Variants in NHSL1 observed in about 807,000 individuals in gnomAD.
NHSL1 encodes the protein NHS like 1.
In NHSL1, 48 loss-of-function variants were observed where a neutral mutation model predicts 95.0. The ratio of observed to expected loss-of-function variants is 0.51; its 90% CI spans 0.40 to 0.64. The LOEUF is 0.64. Ranked by LOEUF, NHSL1 falls within the 30% of genes least tolerant of loss-of-function variation. The probability of loss-of-function intolerance (pLI) is 0.00; values close to 1 mark genes in which losing one functional copy is unlikely to be tolerated. For synonymous variants in NHSL1, 783 were observed against 833.9 expected (o/e 0.94, Z 1.05); for missense variants, 1,971 against 2,077.7 (o/e 0.95, Z 1.00).
chr6:138,614,607 A>C (rs1784554629), intron 1 of NHSL1, among the ~76,000 whole-genome samples: 1 of 152,176 alleles, frequency 6.6e-6, no homozygotes. Flanking sequence ...CAACCGAGGA[A>C]ACTGAGACAC....
At chr6:138,680,538 G>A (rs1435302322) in intron 1 of NHSL1, among the ~76,000 whole-genome samples, 1 of 152,148 alleles carries the variant, frequency 6.6e-6, no homozygotes, top group Non-Finnish European at 1.5e-5. Context: ...TAGATTAAAA[G>A]GCAGAAAATG....
At chr6:138,533,105 C>T (rs1469431750) in intron 1 of NHSL1, among the ~76,000 whole-genome samples, 1 of 152,038 alleles carries the variant, frequency 6.6e-6, no homozygotes, top group Non-Finnish European at 1.5e-5. Context: ...CAAAAACACA[C>T]AGTGACTTGA....
chr6:138,543,349 T>C (rs149797179), intron 1 of NHSL1, among the ~76,000 whole-genome samples: 1 of 152,146 alleles, frequency 6.6e-6, no homozygotes, highest in African/African-American at 2.4e-5. Context: ...CAAAGAGTGA[T>C]TGTAACTATA....
At chr6:138,594,413 AAGC>A (rs1284434008) in intron 1 of NHSL1, among the ~76,000 whole-genome samples, 2 of 152,114 alleles carry the variant, frequency 1.3e-5, no homozygotes, top group Non-Finnish European at 2.9e-5. Context: ...CCCCGGCTCT[AAGC>A]AAAAACAGCC....
At chr6:138,516,588 TTTGTTGTTG>T (rs769534036) in intron 1 of NHSL1, among the ~76,000 whole-genome samples, 3 of 151,732 alleles carry the variant, frequency 2.0e-5, no homozygotes, top group African/African-American at 4.8e-5. Context: ...TCAAAGTTGT[TTTGTTGTTG>T]TTGTTGTTGT....
intron 1 of NHSL1, among the ~76,000 whole-genome samples, chr6:138,632,139 G>A (rs977706039): frequency 6.6e-6 from 1 of 152,224 alleles, no homozygotes; most frequent in Non-Finnish European, 1.5e-5. Context: ...CCTCTGCCTT[G>A]GGAAAGGGGA....
intron 1 of NHSL1, among the ~76,000 whole-genome samples, chr6:138,569,260 T>C: frequency 6.6e-6 from 1 of 151,268 alleles, no homozygotes; most frequent in Non-Finnish European, 1.5e-5. Context: ...TGTGTGTGTG[T>C]GTGTGTGTGT....
chr6:138,579,189 G>A (rs1057055553), intron 1 of NHSL1, among the ~76,000 whole-genome samples: 4 of 152,194 alleles, frequency 2.6e-5, no homozygotes, highest in Non-Finnish European at 4.4e-5. Context: ...CTGCTGAGCC[G>A]CCTGGTTCCT....
intron 1 of NHSL1, among the ~76,000 whole-genome samples, chr6:138,600,451 G>A (rs1784357020): frequency 6.6e-6 from 1 of 152,172 alleles, no homozygotes; most frequent in Non-Finnish European, 1.5e-5. Context: ...TATCAGCACT[G>A]TAAAGGGTCA....
intron 1 of NHSL1, among the ~76,000 whole-genome samples, chr6:138,620,865 G>A (rs757247498): frequency 7.2e-5 from 11 of 152,234 alleles, no homozygotes; most frequent in Admixed American, 3.9e-4. Context: ...GCCAGTCTTC[G>A]GTCTTCAAAC....
chr6:138,498,870 T>G (rs561387758), intron 1 of NHSL1, among the ~76,000 whole-genome samples: 6 of 152,290 alleles, frequency 3.9e-5, no homozygotes, highest in African/African-American at 1.4e-4. Context: ...ACACTTGATA[T>G]CAAGGGAAAC....
intron 1 of NHSL1, among the ~76,000 whole-genome samples, chr6:138,641,622 CAAAAAAAAAAAAA>C (rs771307557): frequency 1.3e-5 from 1 of 76,462 alleles, no homozygotes; most frequent in African/African-American, 4.7e-5. Context: ...GACTCCGTCT[CAAAAAAAAAAAAA>C]AAAAAAAAAA....
At chr6:138,425,203 T>C (rs1487589040) in intron 7 of NHSL1, among the ~76,000 whole-genome samples, 3 of 152,242 alleles carry the variant, frequency 2.0e-5, no homozygotes, top group African/African-American at 7.2e-5. Context: ...CGATTCTCCC[T>C]GCCTCAGCCT....
In NHSL1 at chr6:138,431,238, G is replaced by A. The variant is rs377012189; in HGVS notation, c.3107C>T (p.Pro1036Leu). ...TGGCTGGCCAGAATTTGTGAAAGGC[G>A]GCCTGGTGTCTTTCATGAATTTGGG... Reference protein sequence around the residue: ...LDPKFMKDTRPPFTNSGQPES... With the variant: ...LDPKFMKDTRLPFTNSGQPES... The change falls in exon 6 of 8, where the codon CCG (proline) becomes CTG (leucine). Residue 1036 changes from proline to leucine, a missense_variant. Coordinates refer to ENST00000343505, the MANE Select transcript of NHSL1 (RefSeq NM_001144060.2). The surrounding 1 kb of genome is among the most constrained non-coding windows in gnomAD (Gnocchi z 4.0). The A allele has an allele frequency of 3.9e-4, 590 of 1,518,932 alleles. 5 individuals carry two copies. The African/African-American group carries it at 7.5e-3, about 19-fold the overall frequency. 94.1% of individuals were successfully genotyped at this position (1,518,932 alleles called of 1,614,324 possible).
rs1583147105 is a variant in NHSL1, at chr6:138,432,307, A to T, written c.2038T>A (p.Ser680Thr). ...CTCTTCTTGGGAATCCTGCGGAGGG[A>T]GTCTGTCCGGGAGGGTGGCAGGGGA... ...KPPLPPSRTD[S>T]LRRIPKKSSQ... The change falls in exon 6 of 8, where the codon TCC (serine) becomes ACC (threonine). Residue 680 changes from serine (S) to threonine (T), a missense_variant. Coordinates refer to ENST00000343505, the MANE Select transcript of NHSL1 (RefSeq NM_001144060.2). This position sits in a 1 kb window ranked among gnomAD's most constrained non-coding sequence, Gnocchi z 4.4. The T allele has an allele frequency of 1.3e-6, 2 of 1,551,506 alleles. No individual in the cohort carries two copies. Among genetic ancestry groups the T allele is most frequent in the East Asian group, 4.9e-5 (2 of 40,914 alleles).
chr6:138,646,563 C>T (rs1785023618), intron 1 of NHSL1, among the ~76,000 whole-genome samples: 1 of 152,084 alleles, frequency 6.6e-6, no homozygotes, highest in African/African-American at 2.4e-5. Flanking sequence ...AGTGACTATC[C>T]ATGGAGGAAA....
chr6:138,465,623 C>T (rs1335368512), intron 3 of NHSL1, among the ~76,000 whole-genome samples: 1 of 152,112 alleles, frequency 6.6e-6, no homozygotes, highest in Non-Finnish European at 1.5e-5. Flanking sequence ...TTAGTTCTCC[C>T]TACCCTGGAG....
intron 1 of NHSL1, among the ~76,000 whole-genome samples, chr6:138,653,834 G>GA (rs1562403423): frequency 1.3e-5 from 2 of 152,090 alleles, no homozygotes; most frequent in African/African-American, 4.8e-5. Context: ...AATGTTTCAC[G>GA]AAACATGTCT....
chr6:138,670,383 A>G (rs1785348991), intron 1 of NHSL1, among the ~76,000 whole-genome samples: 1 of 151,352 alleles, frequency 6.6e-6, no homozygotes, highest in African/African-American at 2.4e-5. Context: ...AAAAAAAAAA[A>G]AGGCCGGGCG....
Sources: gnomAD v4.1 joint callset for allele counts (sites outside exome capture counted in the v4.1 genomes callset) on GRCh38, gnomAD v4.1.1 for gene constraint, Gnocchi (gnomAD v3.1) non-coding constraint, MANE v1.5 for transcripts, NCBI Gene and HGNC (gene_info 2026-07-23, HGNC 2026-07-21) for gene names.